The following PTPRU variants were observed in gnomAD, a reference collection of about 807,000 sequenced individuals.
PTPRU encodes the protein protein tyrosine phosphatase receptor type U.
In PTPRU, 69 loss-of-function variants were observed where a neutral mutation model predicts 166.3. The ratio of observed to expected loss-of-function variants is 0.41; its 90% CI spans 0.34 to 0.51. The LOEUF (loss-of-function observed/expected upper bound fraction) is 0.51. Ranked by LOEUF, PTPRU falls within the 20% of genes least tolerant of loss-of-function variation. The pLI is 0.09. For missense variants in PTPRU, 1,657 were observed against 2,013.7 expected, an observed-to-expected ratio of 0.82 and a Z score of 3.39; for synonymous variants, 793 against 814.0, an observed-to-expected ratio of 0.97 and a Z score of 0.44.
chr1:29,255,235 C>T (rs778204634), intron 1 of PTPRU, 40 bp from the exon 2 acceptor site: 1 of 1,597,514 alleles, frequency 6.3e-7, no homozygotes, highest in Non-Finnish European at 8.6e-7. Flanking sequence ...TGGCCAGCAG[C>T]CCTGCCTTAG....
At chr1:29,305,179 C>T (rs1687329196) in intron 17 of PTPRU, among the ~76,000 whole-genome samples, 173 bp from the exon 18 acceptor site, 2 of 152,132 alleles carry the variant, frequency 1.3e-5, no homozygotes, top group African/African-American at 4.8e-5. Context: ...AGGCTCTACC[C>T]CCTGGTGTGT....
chr1:29,261,395 TCTTC>T (rs892948716), intron 7 of PTPRU, among the ~76,000 whole-genome samples: 19 of 152,342 alleles, frequency 1.2e-4, no homozygotes, highest in African/African-American at 4.3e-4. Flanking sequence ...TGAGGTCTGC[TCTTC>T]CTTGTTAAAA....
Position 29,304,907 on chromosome 1 carries a change from G to T in PTPRU, c.2743+58G>T. 3 of 1,486,890 alleles carry T rather than the reference G, an allele frequency of 2.0e-6. 1 individual carries two copies. Among genetic ancestry groups the T allele is most frequent in the African/African-American group, 2.8e-5 (2 of 72,174 alleles). The allele number at this position is 1,486,890 out of a possible 1,614,324, so 92.1% of individuals were successfully genotyped here. ...CAGTGGGTGGGAGGGCATCAGGAGGGGGAACACAGCCAGGGTGAGCTGGGG... is the reference window on the plus strand; with the variant it reads ...CAGTGGGTGGGAGGGCATCAGGAGGTGGAACACAGCCAGGGTGAGCTGGGG... On this transcript the variant is annotated intron_variant, in intron 17 of 29. Coordinates refer to ENST00000373779, the MANE Select transcript of PTPRU (RefSeq NM_133178.4).
Position 29,311,240 on chromosome 1 carries a change from G to A in PTPRU, c.2858-216G>A. ...TCCTCCAGGGTCCCATTCAGGATGA[G>A]CGGGCTCTTTAGCCAGGCCCTCTCC... On this transcript the variant is annotated intron_variant, in intron 19 of 29. Transcript: ENST00000373779. The surrounding 1 kb of genome is among the most constrained non-coding windows in gnomAD (Gnocchi z 4.1). The A allele has an allele frequency of 1.7e-6, 1 of 599,940 alleles. No homozygotes were observed. Among genetic ancestry groups the A allele is most frequent in the Non-Finnish European group, 3.0e-6 (1 of 337,578 alleles). 37.2% of individuals were successfully genotyped at this position (599,940 alleles called of 1,614,324 possible).
rs1683786831 is a variant in PTPRU, at chr1:29,236,794, G to A, written c.73+77G>A. The A allele has an allele frequency of 2.4e-6, 3 of 1,249,694 alleles. No homozygotes were observed. Among genetic ancestry groups the A allele is most frequent in the African/African-American group, 1.6e-5 (1 of 63,898 alleles). 77.4% of individuals were successfully genotyped at this position (1,249,694 alleles called of 1,614,324 possible). ...TGGCGTAGCTCGGAAGAAAGTGTGA[G>A]TGTTGAGTGACCGGGCGTTACGAGC... On this transcript the variant is annotated intron_variant, in intron 1 of 29. Transcript: ENST00000373779. The surrounding 1 kb of genome is among the most constrained non-coding windows in gnomAD (Gnocchi z 4.6).
Position 29,316,165 on chromosome 1 carries a change from G to A in PTPRU, c.3513+14G>A, listed in dbSNP as rs772948734. 49 of 1,612,258 alleles carry A rather than the reference G, an allele frequency of 3.0e-5. No individual in the cohort carries two copies. In the Admixed American group the frequency reaches 6.3e-4, roughly 21 times the overall value. On this transcript the variant is annotated intron_variant, in intron 24 of 29. Coordinates refer to ENST00000373779, the MANE Select transcript of PTPRU (RefSeq NM_133178.4). ...GAAGAGTTCCAGGTGGGGGATGAGT[G>A]CGTGTGTATAGGTGTGTGTGTGTGT...
Position 29,305,337 on chromosome 1 carries a change from G to C in PTPRU, c.2744-15G>C. 6.2e-7 allele frequency: 1 copy of C among 1,613,476 alleles called. No individual in the cohort carries two copies. Among genetic ancestry groups the C allele is most frequent in the East Asian group, 2.2e-5 (1 of 44,880 alleles). Reference sequence around the variant, plus strand: ...TCCCCAGTTCAGCCCCTGCCCACCTGCTCTGTGTTTACAGATGATCGGCAC... The same window carrying C: ...TCCCCAGTTCAGCCCCTGCCCACCTCCTCTGTGTTTACAGATGATCGGCAC... On this transcript the variant is annotated splice_polypyrimidine_tract_variant and intron_variant, in intron 17 of 29. Coordinates refer to ENST00000373779, the MANE Select transcript of PTPRU (RefSeq NM_133178.4).
chr1:29,250,162 T>G (rs1214888054), intron 1 of PTPRU, among the ~76,000 whole-genome samples: 3 of 150,784 alleles, frequency 2.0e-5, no homozygotes, highest in Non-Finnish European at 4.4e-5. Context: ...CTGGACCCCC[T>G]CTTGTGGCCT....
chr1:29,295,341 G>A (rs887386621), intron 15 of PTPRU, among the ~76,000 whole-genome samples: 5 of 151,956 alleles, frequency 3.3e-5, no homozygotes, highest in Admixed American at 6.6e-5. Flanking sequence ...CATCACGCTC[G>A]GCTAATTCTC....
rs776210002 is a variant in PTPRU, at chr1:29,312,632, G to A, written c.3153G>A (p.Thr1051=). 7.4e-6 allele frequency: 12 copies of A among 1,611,748 alleles called. No individual in the cohort carries two copies. Among genetic ancestry groups the A allele is most frequent in the Admixed American group, 6.7e-5 (4 of 59,992 alleles). The change falls in exon 22 of 30, where the codon ACG becomes ACA. Residue 1051 remains threonine (T), a synonymous_variant. Coordinates refer to ENST00000373779, the MANE Select transcript of PTPRU (RefSeq NM_133178.4). ...WPEHGVPYHA[T]GLLAFIRRVK... ...AGCATGGCGTCCCCTACCATGCCAC[G>A]GGGCTGCTGGCTTTCATCCGGCGCG...
In PTPRU at chr1:29,323,400, C is replaced by G. The variant is rs566780533; in HGVS notation, c.3858C>G (p.Gly1286=). The G allele has an allele frequency of 1.1e-4, 173 of 1,609,020 alleles. 2 individuals carry two copies. The East Asian group carries it at 3.1e-3, about 28-fold the overall frequency. ...GCCTGCAGTACTGGCCAGAGCCAGG[C>G]CGGCAGCAATATGGCCTCATGGAGG... ...WPCLQYWPEP[G]RQQYGLMEVE... is the part of the protein sequence containing the mutation. The change falls in exon 27 of 30, where the codon GGC becomes GGG. Residue 1286 remains glycine, a synonymous_variant. Coordinates refer to ENST00000373779, the MANE Select transcript of PTPRU (RefSeq NM_133178.4).
intron 7 of PTPRU, among the ~76,000 whole-genome samples, chr1:29,264,305 G>A (rs955773516): frequency 6.6e-6 from 1 of 151,924 alleles, no homozygotes; most frequent in African/African-American, 2.4e-5. Flanking sequence ...AAGCACGAAA[G>A]TTTTCAATTT....
At chr1:29,322,677 C>T (rs12749276) in intron 26 of PTPRU, among the ~76,000 whole-genome samples, 14,444 of 152,024 alleles carry the variant, frequency 0.095, 817 homozygotes, top group Middle Eastern at 0.21. Flanking sequence ...ATTTTACCGA[C>T]GGAGAAACTG....
At position 29,325,759 on chromosome 1, in the gene PTPRU, A is replaced by G. The variant is rs1055323176; in HGVS notation, c.*98A>G. On this transcript the variant is annotated 3_prime_UTR_variant, in exon 30 of 30. Transcript: ENST00000373779. ...AGTGCCTCCTGCTCTGCCCAAACAC[A>G]CTCCCATGGGGCAAGCACTGGAGTG... 5.4e-6 allele frequency: 7 copies of G among 1,285,714 alleles called. No homozygotes were observed. Among genetic ancestry groups the G allele is most frequent in the Non-Finnish European group, 6.4e-6 (6 of 937,036 alleles). 79.6% of individuals were successfully genotyped at this position (1,285,714 alleles called of 1,614,324 possible).
intron 22 of PTPRU, among the ~76,000 whole-genome samples, chr1:29,313,545 G>C (rs370919228): frequency 1.3e-3 from 194 of 152,320 alleles, no homozygotes; most frequent in African/African-American, 4.4e-3. Flanking sequence ...GAAAAAACCA[G>C]CTCTACTGAG....
rs1326236445 is a variant in PTPRU at position 29,280,610 on chromosome 1, G to T, written c.1868+469G>T. Among the ~76,000 whole-genome samples, 1 of 152,084 alleles carries T rather than the reference G, an allele frequency of 6.6e-6. No individual in the cohort carries two copies. Among genetic ancestry groups the T allele is most frequent in the Non-Finnish European group, 1.5e-5 (1 of 68,024 alleles). On this transcript the variant is annotated intron_variant, in intron 11 of 29. Coordinates refer to ENST00000373779, the MANE Select transcript of PTPRU (RefSeq NM_133178.4). The surrounding 1 kb of genome is among the most constrained non-coding windows in gnomAD (Gnocchi z 4.2). ...GGAAGCTGGGCTTGCTGGTGCCGTG[G>T]TGGCTGCCTCTGCTGGGGAGAGGGT...
chr1:29,252,096 G>A (rs538587054), intron 1 of PTPRU, among the ~76,000 whole-genome samples: 1 of 152,252 alleles, frequency 6.6e-6, no homozygotes, highest in Admixed American at 6.5e-5. Context: ...AAGAGCCAAA[G>A]AGCTCAGCCA....
At chr1:29,277,135 C>T (rs1325758197) in intron 8 of PTPRU, among the ~76,000 whole-genome samples, 1 of 152,186 alleles carries the variant, frequency 6.6e-6, no homozygotes, top group Non-Finnish European at 1.5e-5. Flanking sequence ...CAGTTTCACT[C>T]TGTCACCCAG....
At position 29,236,569 on chromosome 1, in the gene PTPRU, C is replaced by A. The variant is rs1683770358; in HGVS notation, c.-76C>A. The A allele has an allele frequency of 9.0e-7, 1 of 1,105,942 alleles. No homozygotes were observed. 68.5% of individuals were successfully genotyped at this position (1,105,942 alleles called of 1,614,324 possible). ...CTCCGCTCCGGCTCGGGCTCCGGCT[C>A]GCCTCGGGCTGGGCTCGGGCTCCGG... On this transcript the variant is annotated 5_prime_UTR_variant, in exon 1 of 30. Coordinates refer to ENST00000373779, the MANE Select transcript of PTPRU (RefSeq NM_133178.4). This position sits in a 1 kb window ranked among gnomAD's most constrained non-coding sequence, Gnocchi z 4.6.
Sources: allele counts gnomAD v4.1 joint callset (sites outside exome capture counted in the v4.1 genomes callset), GRCh38; gene constraint gnomAD v4.1.1; non-coding constraint Gnocchi (gnomAD v3.1); transcripts MANE v1.5; gene names NCBI Gene and HGNC (gene_info 2026-07-23, HGNC 2026-07-21).